The following QTMAN variants were observed in gnomAD, a reference collection of about 807,000 sequenced individuals.
QTMAN encodes tRNA-queuosine alpha-mannosyltransferase.
chr2:144,028,180 G>A, the QTMAN span, among the ~76,000 whole-genome samples: 1 of 152,174 alleles, frequency 6.6e-6, no homozygotes, highest in Non-Finnish European at 1.5e-5. Flanking sequence ...ACACCACTCT[G>A]CTCTGATTAC....
chr2:144,144,845 A>G, the QTMAN span, among the ~76,000 whole-genome samples: 10 of 151,974 alleles, frequency 6.6e-5, no homozygotes, highest in Non-Finnish European at 1.3e-4. Context: ...AATAAAATGT[A>G]CAAAATCACT....
the QTMAN span, among the ~76,000 whole-genome samples, chr2:144,265,795 A>G: frequency 6.6e-6 from 1 of 152,168 alleles, no homozygotes; most frequent in African/African-American, 2.4e-5. Flanking sequence ...TCAAATGTCC[A>G]TTCTTACTCA....
chr2:144,315,771 A>G, the QTMAN span, among the ~76,000 whole-genome samples: 1 of 152,178 alleles, frequency 6.6e-6, no homozygotes, highest in Non-Finnish European at 1.5e-5. Flanking sequence ...AACAATTAGA[A>G]AAGTATTTTT....
chr2:144,172,082 T>C, the QTMAN span, among the ~76,000 whole-genome samples: 2 of 152,130 alleles, frequency 1.3e-5, no homozygotes, highest in Admixed American at 6.6e-5. Flanking sequence ...TAGATATTTT[T>C]TGTTCCACTT....
At chr2:144,092,705 T>G in the QTMAN span, among the ~76,000 whole-genome samples, 8 of 152,156 alleles carry the variant, frequency 5.3e-5, no homozygotes, top group African/African-American at 1.9e-4. Flanking sequence ...GATCTTGAGG[T>G]AGTAGTTTCC....
chr2:144,203,145 T>C, the QTMAN span, among the ~76,000 whole-genome samples: 1 of 129,856 alleles, frequency 7.7e-6, no homozygotes, highest in African/African-American at 3.0e-5. Flanking sequence ...AGTTTTACAA[T>C]GAAGAGTGTG....
At chr2:144,096,335 G>C in the QTMAN span, among the ~76,000 whole-genome samples, 3 of 152,170 alleles carry the variant, frequency 2.0e-5, no homozygotes, top group Non-Finnish European at 2.9e-5. Context: ...ACTTAAAAGA[G>C]AGCCACGCTT....
At chr2:144,230,615 C>T in the QTMAN span, among the ~76,000 whole-genome samples, 1 of 152,064 alleles carries the variant, frequency 6.6e-6, no homozygotes. Flanking sequence ...ACAGATGACA[C>T]ATTCTTGGAA....
the QTMAN span, among the ~76,000 whole-genome samples, chr2:144,190,091 T>TTA: frequency 6.6e-6 from 1 of 152,228 alleles, no homozygotes; most frequent in South Asian, 2.1e-4. Context: ...ATTTTATCTT[T>TTA]TATTGGTATT....
the QTMAN span, among the ~76,000 whole-genome samples, chr2:144,021,097 G>C: frequency 6.6e-6 from 1 of 151,040 alleles, no homozygotes; most frequent in Admixed American, 6.6e-5. Flanking sequence ...AAAAATATAA[G>C]AAATTTATTT....
chr2:144,085,029 ATTT>A, the QTMAN span, among the ~76,000 whole-genome samples: 2 of 152,218 alleles, frequency 1.3e-5, no homozygotes, highest in African/African-American at 4.8e-5. Flanking sequence ...CTGTATGAAC[ATTT>A]GACCGCTCTT....
the QTMAN span, among the ~76,000 whole-genome samples, chr2:143,991,998 C>T: frequency 6.6e-6 from 1 of 152,016 alleles, no homozygotes; most frequent in African/African-American, 2.4e-5. Context: ...AAGTGAGGAG[C>T]CCCTCTGCCC....
the QTMAN span, among the ~76,000 whole-genome samples, chr2:144,326,999 C>T: frequency 6.6e-6 from 1 of 152,162 alleles, no homozygotes; most frequent in Admixed American, 6.5e-5. Flanking sequence ...TTTGCTACGA[C>T]GTGGGTGTGT....
chr2:144,019,087 G>A, the QTMAN span, among the ~76,000 whole-genome samples: 1 of 152,114 alleles, frequency 6.6e-6, no homozygotes, highest in Non-Finnish European at 1.5e-5. Flanking sequence ...GGAGGGGAGG[G>A]ACAAAAGATG....
chr2:143,969,663 G>A, the QTMAN span, among the ~76,000 whole-genome samples: 26 of 152,316 alleles, frequency 1.7e-4, no homozygotes, highest in African/African-American at 3.4e-4. Context: ...GCTTTACAGC[G>A]AAAGAAAATG....
At chr2:144,127,524 A>C in the QTMAN span, among the ~76,000 whole-genome samples, 1 of 152,048 alleles carries the variant, frequency 6.6e-6, no homozygotes. Flanking sequence ...TCCATACAAT[A>C]GCAAATTGAG....
the QTMAN span, among the ~76,000 whole-genome samples, chr2:144,232,922 C>A: frequency 6.6e-6 from 1 of 152,056 alleles, no homozygotes; most frequent in African/African-American, 2.4e-5. Context: ...AATTGGTAAA[C>A]TTAAAAACAC....
At chr2:144,298,477 A>G in the QTMAN span, among the ~76,000 whole-genome samples, 2 of 152,192 alleles carry the variant, frequency 1.3e-5, no homozygotes, top group African/African-American at 4.8e-5. Flanking sequence ...ATTGTATTGT[A>G]TTGTTTCAAC....
the QTMAN span, among the ~76,000 whole-genome samples, chr2:144,251,488 TC>T: frequency 3.3e-5 from 5 of 152,008 alleles, no homozygotes; most frequent in Non-Finnish European, 4.4e-5. Context: ...AAAAAATGAA[TC>T]TAGATGAAGA....
Sources: gnomAD v4.1 joint callset for allele counts (sites outside exome capture counted in the v4.1 genomes callset) on GRCh38, gnomAD v4.1.1 for gene constraint, MANE v1.5 for transcripts, NCBI Gene and HGNC (gene_info 2026-07-23, HGNC 2026-07-21) for gene names.